The following SPEM3 variants were observed in gnomAD, a reference collection of about 807,000 sequenced individuals.
SPEM3 encodes the protein SPEM family member 3.
Position 7,429,085 on chromosome 17 carries a change from C to G in SPEM3, c.138+45C>G, listed in dbSNP as rs1362604879. On this transcript the variant is annotated intron_variant, in intron 1 of 2. Coordinates refer to ENST00000636696, the MANE Select transcript of SPEM3 (RefSeq NM_001364708.1). The surrounding 1 kb of genome is among the most constrained non-coding windows in gnomAD (Gnocchi z 4.9). The stretch of plus-strand genomic sequence containing the variant: ...AGCAGGGTTGGGGGAGCCCTGGGGT[C>G]TTGAAGGGGCTGAGGTGGGAGGGCT... 2.3e-5 allele frequency: 9 copies of G among 398,798 alleles called. No homozygotes were observed. The highest frequency in any genetic ancestry group is 4.0e-5 in the Non-Finnish European group (9 of 226,234). 24.7% of individuals were successfully genotyped at this position (398,798 alleles called of 1,614,324 possible).
In SPEM3 at chr17:7,429,492, C is replaced by T. The variant is rs914490342; in HGVS notation, c.321C>T (p.His107=). ...RPGFLLRRVN[H]LDSWIPDTND... Reference sequence around the variant, plus strand: ...GCTTCCTGCTCAGGCGCGTTAACCACCTTGACTCCTGGATACCAGACACGA... The same window carrying T: ...GCTTCCTGCTCAGGCGCGTTAACCATCTTGACTCCTGGATACCAGACACGA... Residue 107 remains histidine (H), a synonymous_variant, in exon 3 of 3, where the codon CAC becomes CAT. Transcript: ENST00000636696. This position sits in a 1 kb window ranked among gnomAD's most constrained non-coding sequence, Gnocchi z 4.9. 7.5e-6 allele frequency: 3 copies of T among 398,636 alleles called. No homozygotes were observed. Among genetic ancestry groups the T allele is most frequent in the Non-Finnish European group, 8.8e-6 (2 of 226,084 alleles). The allele number at this position is 398,636 out of a possible 1,614,324, so 24.7% of individuals were successfully genotyped here.
At position 7,430,419 on chromosome 17, in the gene SPEM3, T is replaced by G. The variant is rs1030067352; in HGVS notation, c.1248T>G (p.Pro416=). ...PALVMALTTT[P]VPDPVPATTP... ...TGGTCATGGCCCTGACTACCACTCC[T>G]GTCCCTGATCCTGTCCCTGCCACCA... Residue 416 remains proline (P), a synonymous_variant, in exon 3 of 3, where the codon CCT becomes CCG. Coordinates refer to ENST00000636696, the MANE Select transcript of SPEM3 (RefSeq NM_001364708.1). 74 of 405,392 alleles carry G rather than the reference T, an allele frequency of 1.8e-4. No homozygotes were observed. Among genetic ancestry groups the G allele is most frequent in the Non-Finnish European group, 2.9e-4 (68 of 230,622 alleles). 25.1% of individuals were successfully genotyped at this position (405,392 alleles called of 1,614,324 possible).
At position 7,432,354 on chromosome 17, in the gene SPEM3, C is replaced by T. The variant is rs927622206; in HGVS notation, c.3183C>T (p.Asp1061=). The T allele has an allele frequency of 1.8e-5, 7 of 398,564 alleles. No homozygotes were observed. The highest frequency in any genetic ancestry group is 6.2e-5 in the African/African-American group (3 of 48,642). 24.7% of individuals were successfully genotyped at this position (398,564 alleles called of 1,614,324 possible). ...CTGAGAAGGCTGCTCAGAAGGAGGA[C>T]GCACAGCGGCACGTCCTCTGGGCTC... is the stretch of plus-strand genomic sequence containing the variant. ...SVPEKAAQKE[D]AQRHVLWARV... is the part of the protein sequence containing the mutation. Residue 1061 remains aspartate (D), a synonymous_variant, in exon 3 of 3, where the codon GAC becomes GAT. Transcript: ENST00000636696. This position sits in a 1 kb window ranked among gnomAD's most constrained non-coding sequence, Gnocchi z 4.1.
In SPEM3 at chr17:7,431,069, C is replaced by G. The variant is rs1340030757; in HGVS notation, c.1898C>G (p.Pro633Arg). 2.5e-6 allele frequency: 1 copy of G among 398,758 alleles called. No homozygotes were observed. Among genetic ancestry groups the G allele is most frequent in the African/African-American group, 2.1e-5 (1 of 48,604 alleles). 24.7% of individuals were successfully genotyped at this position (398,758 alleles called of 1,614,324 possible). A position where few individuals can be genotyped will look rare whatever the true frequency, so the allele number is the denominator to read the frequency against. ...TPTVLPTSKSPQSILTSQFPI... is the reference protein window; with the variant it reads ...TPTVLPTSKSRQSILTSQFPI... ...ACTGTTCTTCCAACCTCCAAGTCTC[C>G]TCAGTCCATCCTCACTTCCCAATTC... The change falls in exon 3 of 3, where the codon CCT (proline) becomes CGT (arginine). Residue 633 changes from proline (P) to arginine (R), a missense_variant. Transcript: ENST00000636696.
chr17:7,430,560 G>A lies in SPEM3; in HGVS notation c.1389G>A (p.Met463Ile), dbSNP rs1025568453. 2.5e-6 allele frequency: 1 copy of A among 398,856 alleles called. No homozygotes were observed. Among genetic ancestry groups the A allele is most frequent in the Non-Finnish European group, 4.4e-6 (1 of 226,296 alleles). The allele number at this position is 398,856 out of a possible 1,614,324, so 24.7% of individuals were successfully genotyped here. A position where few individuals can be genotyped will look rare whatever the true frequency, so the allele number is the denominator to read the frequency against. The change falls in exon 3 of 3, where the codon ATG (methionine) becomes ATA (isoleucine). Residue 463 changes from methionine (M) to isoleucine (I), a missense_variant. Transcript: ENST00000636696. ...ARREKQNFFH[M>I]SSPQNPEYSR... ...GGGAAAAGCAGAATTTCTTCCATAT[G>A]TCCAGCCCCCAGAACCCTGAGTATT... is the stretch of plus-strand genomic sequence containing the variant.
Position 7,430,912 on chromosome 17 carries a change from A to T in SPEM3, c.1741A>T (p.Thr581Ser), listed in dbSNP as rs1907810986. 3 of 398,444 alleles carry T rather than the reference A, an allele frequency of 7.5e-6. No individual in the cohort carries two copies. The highest frequency in any genetic ancestry group is 8.8e-5 in the Admixed American group (2 of 22,692). 24.7% of individuals were successfully genotyped at this position (398,444 alleles called of 1,614,324 possible). A position where few individuals can be genotyped will look rare whatever the true frequency, so the allele number is the denominator to read the frequency against. ...TGCCAAGACTTGCTTTCATTCTGCA[A>T]CCACTGCCCAGAGCTCAGTGTGCAC... is the stretch of plus-strand genomic sequence containing the variant. ...ACAKTCFHSA[T>S]TAQSSVCTLP... Residue 581 changes from threonine to serine, a missense_variant, in exon 3 of 3, where the codon ACC (threonine) becomes TCC (serine). Physicochemically the swap from Thr to Ser is moderately conservative, Grantham distance 58 (BLOSUM62 1). Coordinates refer to ENST00000636696, the MANE Select transcript of SPEM3 (RefSeq NM_001364708.1).
At position 7,430,440 on chromosome 17, in the gene SPEM3, C is replaced by T. The variant is rs1907796433; in HGVS notation, c.1269C>T (p.Ala423=). 1 of 404,036 alleles carries T rather than the reference C, an allele frequency of 2.5e-6. No individual in the cohort carries two copies. Among genetic ancestry groups the T allele is most frequent in the African/African-American group, 2.1e-5 (1 of 48,718 alleles). The allele number at this position is 404,036 out of a possible 1,614,324, so 25.0% of individuals were successfully genotyped here. A position where few individuals can be genotyped will look rare whatever the true frequency, so the allele number is the denominator to read the frequency against. The change falls in exon 3 of 3, where the codon GCC becomes GCT. Residue 423 remains alanine, a synonymous_variant. Coordinates refer to ENST00000636696, the MANE Select transcript of SPEM3 (RefSeq NM_001364708.1). ...TTTPVPDPVP[A]TTPAPIITPI... ...CTCCTGTCCCTGATCCTGTCCCTGC[C>T]ACCACCCCTGCCCCTATCATAACTC...
chr17:7,431,703 G>GA lies in SPEM3; in HGVS notation c.2534dup (p.Asn845LysfsTer12). 1 of 398,622 alleles carries GA rather than the reference G, an allele frequency of 2.5e-6. No homozygotes were observed. The highest frequency in any genetic ancestry group is 4.4e-6 in the Non-Finnish European group (1 of 226,066). The allele number at this position is 398,622 out of a possible 1,614,324, so 24.7% of individuals were successfully genotyped here. On this transcript the variant is annotated frameshift_variant, in exon 3 of 3. Coordinates refer to ENST00000636696, the MANE Select transcript of SPEM3 (RefSeq NM_001364708.1). LOFTEE classifies it low-confidence loss of function (END_TRUNC). ...CTTCTAAAGATTCTGGAGGTCACAA[G>GA]AATACAGGCAATGTCCAAGATCCAG...
Position 7,429,914 on chromosome 17 carries a change from G to C in SPEM3, c.743G>C (p.Arg248Pro). ...PAHSWTHSKA[R>P]TPEGTHSQAQ... ...CACTCCTGGACCCACTCCAAAGCCC[G>C]CACCCCTGAGGGCACCCACTCCCAG... Residue 248 changes from arginine (R) to proline (P), a missense_variant, in exon 3 of 3, where the codon CGC becomes CCC. Arg to Pro is a moderately radical substitution (Grantham distance 103, BLOSUM62 -2). Coordinates refer to ENST00000636696, the MANE Select transcript of SPEM3 (RefSeq NM_001364708.1). The surrounding 1 kb of genome is among the most constrained non-coding windows in gnomAD (Gnocchi z 4.9). The C allele has an allele frequency of 2.5e-6, 1 of 407,706 alleles. No individual in the cohort carries two copies. Among genetic ancestry groups the C allele is most frequent in the Non-Finnish European group, 4.3e-6 (1 of 232,694 alleles). The allele number at this position is 407,706 out of a possible 1,614,324, so 25.3% of individuals were successfully genotyped here.
At position 7,432,815 on chromosome 17, in the gene SPEM3, G is replaced by A. The variant is rs1399014650; in HGVS notation, c.*53G>A. On this transcript the variant is annotated 3_prime_UTR_variant, in exon 3 of 3. Transcript: ENST00000636696. The surrounding 1 kb of genome is among the most constrained non-coding windows in gnomAD (Gnocchi z 4.1). Reference sequence around the variant, plus strand: ...AAGTGCATCAGGAATAAAGAGGCGAGAGAAATGTTCTGTGTTTGTTTGAGG... The same window carrying A: ...AAGTGCATCAGGAATAAAGAGGCGAAAGAAATGTTCTGTGTTTGTTTGAGG... 22 of 397,968 alleles carry A rather than the reference G, an allele frequency of 5.5e-5. No homozygotes were observed. The East Asian group carries it at 7.5e-4, about 14-fold the overall frequency. The allele number at this position is 397,968 out of a possible 1,614,324, so 24.7% of individuals were successfully genotyped here.
Position 7,429,471 on chromosome 17 carries a change from C to T in SPEM3, c.300C>T (p.Phe100=). 2.5e-6 allele frequency: 1 copy of T among 398,672 alleles called. No individual in the cohort carries two copies. The highest frequency in any genetic ancestry group is 4.4e-6 in the Non-Finnish European group (1 of 226,100). 24.7% of individuals were successfully genotyped at this position (398,672 alleles called of 1,614,324 possible). The stretch of plus-strand genomic sequence containing the variant: ...CCCGCGTCCATCCTCGCCCAGGCTT[C>T]CTGCTCAGGCGCGTTAACCACCTTG... ...VSSRVHPRPG[F]LLRRVNHLDS... Residue 100 remains phenylalanine (F), a synonymous_variant, in exon 3 of 3, where the codon TTC becomes TTT. Coordinates refer to ENST00000636696, the MANE Select transcript of SPEM3 (RefSeq NM_001364708.1). The surrounding 1 kb of genome is among the most constrained non-coding windows in gnomAD (Gnocchi z 4.9).
Position 7,429,278 on chromosome 17 carries a change from A to C in SPEM3, c.196+31A>C, listed in dbSNP as rs1597734632. On this transcript the variant is annotated intron_variant, in intron 2 of 2. Coordinates refer to ENST00000636696, the MANE Select transcript of SPEM3 (RefSeq NM_001364708.1). The surrounding 1 kb of genome is among the most constrained non-coding windows in gnomAD (Gnocchi z 4.9). ...TGGGCCCCTGTATGGGCTCCCAGGGATATGGGCCTGTCCCCTTTCTCCTAT... is the reference window on the plus strand; with the variant it reads ...TGGGCCCCTGTATGGGCTCCCAGGGCTATGGGCCTGTCCCCTTTCTCCTAT... The C allele has an allele frequency of 7.5e-6, 3 of 398,382 alleles. No homozygotes were observed. In the East Asian group the frequency reaches 1.1e-4, roughly 14 times the overall value. 24.7% of individuals were successfully genotyped at this position (398,382 alleles called of 1,614,324 possible).
At position 7,430,463 on chromosome 17, in the gene SPEM3, C is replaced by T. The variant is rs552189303; in HGVS notation, c.1292C>T (p.Thr431Ile). Residue 431 changes from threonine (T) to isoleucine (I), a missense_variant, in exon 3 of 3, where the codon ACT becomes ATT. By Grantham distance (89) the Thr-to-Ile change is moderately conservative. Transcript: ENST00000636696. ...VPATTPAPII[T>I]PIPSTPPAFS... ...GCCACCACCCCTGCCCCTATCATAA[C>T]TCCTATACCCTCTACCCCACCTGCC... The T allele has an allele frequency of 3.7e-5, 15 of 400,436 alleles. No individual in the cohort carries two copies. In the East Asian group the frequency reaches 5.3e-4, roughly 14 times the overall value. 24.8% of individuals were successfully genotyped at this position (400,436 alleles called of 1,614,324 possible).
chr17:7,430,546 A>C lies in SPEM3; in HGVS notation c.1375A>C (p.Asn459His). The C allele has an allele frequency of 2.5e-6, 1 of 398,888 alleles. No individual in the cohort carries two copies. The highest frequency in any genetic ancestry group is 3.6e-5 in the East Asian group (1 of 28,080). 24.7% of individuals were successfully genotyped at this position (398,888 alleles called of 1,614,324 possible). The change falls in exon 3 of 3, where the codon AAT becomes CAT. Residue 459 changes from asparagine (N) to histidine (H), a missense_variant. Asn to His is a moderately conservative substitution (Grantham distance 68, BLOSUM62 1). Coordinates refer to ENST00000636696, the MANE Select transcript of SPEM3 (RefSeq NM_001364708.1). ...VVYDARREKQ[N>H]FFHMSSPQNP... is the part of the protein sequence containing the mutation. ...CTATGATGCCCGCAGGGAAAAGCAG[A>C]ATTTCTTCCATATGTCCAGCCCCCA...
chr17:7,431,265 C>T lies in SPEM3; in HGVS notation c.2094C>T (p.Leu698=), dbSNP rs550321543. The T allele has an allele frequency of 5.0e-6, 2 of 398,564 alleles. No individual in the cohort carries two copies. Among genetic ancestry groups the T allele is most frequent in the East Asian group, 7.1e-5 (2 of 28,072 alleles). The allele number at this position is 398,564 out of a possible 1,614,324, so 24.7% of individuals were successfully genotyped here. ...TGGACCTTGCCCAAAACCCAGACCT[C>T]TACAAGAACCCAGGCCTTACCCAAG... is the stretch of plus-strand genomic sequence containing the variant. The part of the protein sequence containing the change: ...RNLDLAQNPD[L]YKNPGLTQDP... Residue 698 remains leucine (L), a synonymous_variant, in exon 3 of 3, where the codon CTC becomes CTT. Coordinates refer to ENST00000636696, the MANE Select transcript of SPEM3 (RefSeq NM_001364708.1).
rs935848358 is a variant in SPEM3, at chr17:7,429,406, T to C, written c.235T>C (p.Ser79Pro). The stretch of plus-strand genomic sequence containing the variant: ...CGGCAGCCATCCCATATGTATTTGC[T>C]CCTCCGTGGATCCCAAGAACCTGTG... ...PSGSHPICIC[S>P]SVDPKNLCSK... The change falls in exon 3 of 3, where the codon TCC (serine) becomes CCC (proline). Residue 79 changes from serine to proline, a missense_variant. Transcript: ENST00000636696. The surrounding 1 kb of genome is among the most constrained non-coding windows in gnomAD (Gnocchi z 4.9). 14 of 398,430 alleles carry C rather than the reference T, an allele frequency of 3.5e-5. No individual in the cohort carries two copies. The highest frequency in any genetic ancestry group is 4.4e-5 in the Non-Finnish European group (10 of 226,082). The allele number at this position is 398,430 out of a possible 1,614,324, so 24.7% of individuals were successfully genotyped here. A position where few individuals can be genotyped will look rare whatever the true frequency, so the allele number is the denominator to read the frequency against.
In SPEM3 at chr17:7,430,158, C is replaced by T; in HGVS notation, c.987C>T (p.His329=). 1 of 418,320 alleles carries T rather than the reference C, an allele frequency of 2.4e-6. No individual in the cohort carries two copies. Among genetic ancestry groups the T allele is most frequent in the East Asian group, 3.5e-5 (1 of 28,190 alleles). 25.9% of individuals were successfully genotyped at this position (418,320 alleles called of 1,614,324 possible). A position where few individuals can be genotyped will look rare whatever the true frequency, so the allele number is the denominator to read the frequency against. ...QAHSPEHTSA[H]SPAQAPMPVP... is the part of the protein sequence containing the mutation. ...ACAGCCCTGAACACACCTCAGCCCA[C>T]TCCCCAGCCCAGGCTCCTATGCCTG... Residue 329 remains histidine, a synonymous_variant, in exon 3 of 3, where the codon CAC becomes CAT. Coordinates refer to ENST00000636696, the MANE Select transcript of SPEM3 (RefSeq NM_001364708.1).
Position 7,430,950 on chromosome 17 carries a change from GT to G in SPEM3, c.1781del (p.Phe594SerfsTer27), listed in dbSNP as rs1907812749. 5.0e-6 allele frequency: 2 copies of G among 398,062 alleles called. No homozygotes were observed. The highest frequency in any genetic ancestry group is 8.8e-6 in the Non-Finnish European group (2 of 226,068). The allele number at this position is 398,062 out of a possible 1,614,324, so 24.7% of individuals were successfully genotyped here. A position where few individuals can be genotyped will look rare whatever the true frequency, so the allele number is the denominator to read the frequency against. On this transcript the variant is annotated frameshift_variant, in exon 3 of 3. Transcript: ENST00000636696. LOFTEE classifies it low-confidence loss of function (END_TRUNC). ...QSSVCTLPPP[F>X]TLSLPLVPPR... Reference sequence around the variant, plus strand: ...GCTCAGTGTGCACCCTTCCTCCACCGTTCACTCTTTCCCTGCCTCTCGTTCC... The same window carrying G: ...GCTCAGTGTGCACCCTTCCTCCACCGTCACTCTTTCCCTGCCTCTCGTTCC...
At position 7,430,126 on chromosome 17, in the gene SPEM3, C is replaced by A; in HGVS notation, c.955C>A (p.Gln319Lys). The change falls in exon 3 of 3, where the codon CAG (glutamine) becomes AAG (lysine). Residue 319 changes from glutamine (Q) to lysine (K), a missense_variant. By Grantham distance (53) the Gln-to-Lys change is moderately conservative. Coordinates refer to ENST00000636696, the MANE Select transcript of SPEM3 (RefSeq NM_001364708.1). ...CCACACCCCTGAGTATACTCACTCC[C>A]AGGCCCACAGCCCTGAACACACCTC... ...PPHTPEYTHS[Q>K]AHSPEHTSAH... 1 of 418,064 alleles carries A rather than the reference C, an allele frequency of 2.4e-6. No homozygotes were observed. 25.9% of individuals were successfully genotyped at this position (418,064 alleles called of 1,614,324 possible). A position where few individuals can be genotyped will look rare whatever the true frequency, so the allele number is the denominator to read the frequency against.
Sources: gnomAD v4.1 joint callset for allele counts on GRCh38, gnomAD v4.1.1 for gene constraint, Gnocchi (gnomAD v3.1) non-coding constraint, MANE v1.5 for transcripts, NCBI Gene and HGNC (gene_info 2026-07-23, HGNC 2026-07-21) for gene names.